PWP1: variants seen among roughly 807,000 people sequenced by gnomAD.
PWP1 encodes periodic tryptophan protein 1 homolog.
A neutral mutation model predicts 69.9 loss-of-function variants in PWP1; 47 were observed. That is an observed-to-expected ratio of 0.67 (90% CI 0.53 to 0.86). The LOEUF (loss-of-function observed/expected upper bound fraction) is 0.86, where lower values mean the gene tolerates loss of function less well. Ranked by LOEUF, PWP1 falls within the 40% of genes least tolerant of loss-of-function variation. The pLI is 0.00. For missense variants in PWP1, 551 were observed against 608.8 expected (o/e 0.91, Z 1.00); for synonymous variants, 222 against 208.2 (o/e 1.07, Z -0.57).
intron 13 of PWP1, 25 bp downstream of exon 13, chr12:107,709,257 T>A (rs1314396424): frequency 1.2e-6 from 2 of 1,607,280 alleles, no homozygotes; most frequent in East Asian, 4.5e-5. Context: ...GGGTATCTGT[T>A]TTTTATTTAT....
chr12:107,698,848 T>C (rs1409101622), intron 7 of PWP1, among the ~76,000 whole-genome samples: 1 of 152,198 alleles, frequency 6.6e-6, no homozygotes, highest in Non-Finnish European at 1.5e-5. Context: ...CCACGTTAGC[T>C]TCCCAAGGTC....
chr12:107,685,848 C>T lies in PWP1; in HGVS notation c.-52C>T. On this transcript the variant is annotated 5_prime_UTR_variant, in exon 1 of 15. Coordinates refer to ENST00000412830, the MANE Select transcript of PWP1 (RefSeq NM_007062.3). ...CGTGTGGCAGCAGTGCGGTCGTGGTCCCTCCCTATGCAGCCTGGTTTCTAG... is the reference window on the plus strand; with the variant it reads ...CGTGTGGCAGCAGTGCGGTCGTGGTTCCTCCCTATGCAGCCTGGTTTCTAG... 2 of 1,596,714 alleles carry T rather than the reference C, an allele frequency of 1.3e-6. No individual in the cohort carries two copies. Among genetic ancestry groups the T allele is most frequent in the South Asian group, 2.2e-5 (2 of 90,686 alleles).
chr12:107,705,378 T>G (rs919500869), intron 11 of PWP1, among the ~76,000 whole-genome samples: 3 of 152,038 alleles, frequency 2.0e-5, no homozygotes, highest in African/African-American at 4.8e-5. Context: ...AAGAGTTTTT[T>G]TTTTTTTTTA....
rs771347617 is a variant in PWP1, at chr12:107,711,046, C to T, written c.1396+536C>T. ...TCACAGCCTTCAGAGCAGACAGCCC[C>T]GAACAGAGATTTACCCACATATTTA... On this transcript the variant is annotated intron_variant, in intron 14 of 14. Transcript: ENST00000412830. Among the ~76,000 whole-genome samples, 126 of 152,216 alleles carry T rather than the reference C, an allele frequency of 8.3e-4. 3 individuals carry two copies. Among genetic ancestry groups the T allele is most frequent in the Middle Eastern group, 3.4e-3 (1 of 294 alleles).
chr12:107,700,385 T>C (rs1889683084), intron 8 of PWP1, among the ~76,000 whole-genome samples: 1 of 152,174 alleles, frequency 6.6e-6, no homozygotes, highest in African/African-American at 2.4e-5. Context: ...CCACTCCACT[T>C]TCTGTCTCCA....
intron 7 of PWP1, among the ~76,000 whole-genome samples, chr12:107,698,343 C>T (rs963547362): frequency 2.0e-5 from 3 of 151,986 alleles, no homozygotes; most frequent in Non-Finnish European, 2.9e-5. Flanking sequence ...TGTGACAGAG[C>T]GAGACTCTGT....
At chr12:107,702,759 CTT>C (rs1410009790) in intron 8 of PWP1, among the ~76,000 whole-genome samples, 174 bp from the exon 9 acceptor site, 10 of 152,320 alleles carry the variant, frequency 6.6e-5, no homozygotes, top group Non-Finnish European at 1.0e-4. Context: ...TTTAGATACT[CTT>C]GTTTCCTTTC....
rs527366185 is a variant in PWP1, at chr12:107,697,553, C to T, written c.700C>T (p.Leu234Phe). 2 of 1,608,178 alleles carry T rather than the reference C, an allele frequency of 1.2e-6. No individual in the cohort carries two copies. The highest frequency in any genetic ancestry group is 2.2e-5 in the South Asian group (2 of 89,796). Residue 234 changes from leucine (L) to phenylalanine (F), a missense_variant, in exon 7 of 15, where the codon CTC (leucine) becomes TTC (phenylalanine). Transcript: ENST00000412830. ...GGACTCTTTAGAGCCAGTCTTCACA[C>T]TCGGAAGTAAACTTTCAAAAAAGAA... ...IVDSLEPVFT[L>F]GSKLSKKKKK...
intron 8 of PWP1, among the ~76,000 whole-genome samples, chr12:107,699,971 TGAG>T (rs1245448520): frequency 1.3e-5 from 2 of 151,962 alleles, no homozygotes; most frequent in Admixed American, 6.6e-5. Context: ...AGAAAGCAAA[TGAG>T]GAGCAAAGTC....
intron 11 of PWP1, among the ~76,000 whole-genome samples, chr12:107,708,540 C>T (rs1889874401): frequency 6.6e-6 from 1 of 152,160 alleles, no homozygotes; most frequent in Non-Finnish European, 1.5e-5. Flanking sequence ...TTGGTCACGC[C>T]TTGGTTCCTT....
chr12:107,686,319 C>A (rs1478111025), intron 1 of PWP1, among the ~76,000 whole-genome samples: 1 of 152,196 alleles, frequency 6.6e-6, no homozygotes, highest in East Asian at 1.9e-4. Flanking sequence ...GCTTCACTAG[C>A]ACCCAAGTGC....
chr12:107,696,221 C>T (rs61938562), intron 5 of PWP1, among the ~76,000 whole-genome samples: 29,067 of 151,578 alleles, frequency 0.19, 3,701 homozygotes, highest in East Asian at 0.53. Flanking sequence ...TGAGTAGAGA[C>T]GAGGTTTCAT....
intron 11 of PWP1, among the ~76,000 whole-genome samples, chr12:107,705,431 T>G (rs1889800952): frequency 6.6e-6 from 1 of 152,022 alleles, no homozygotes; most frequent in South Asian, 2.1e-4. Context: ...CCAGGTTTGT[T>G]ACATATGTAT....
At position 107,693,111 on chromosome 12, in the gene PWP1, C is replaced by A; in HGVS notation, c.502+15C>A. The A allele has an allele frequency of 6.4e-7, 1 of 1,570,350 alleles. No individual in the cohort carries two copies. Among genetic ancestry groups the A allele is most frequent in the Non-Finnish European group, 8.6e-7 (1 of 1,161,764 alleles). On this transcript the variant is annotated intron_variant, in intron 5 of 14. Transcript: ENST00000412830. ...AGAGGTGCATGGTAAGTGATAAATC[C>A]CTTATTAAAAGATTTTCTAAGTGAT...
chr12:107,688,099 G>A (rs1889408057), intron 1 of PWP1, among the ~76,000 whole-genome samples: 2 of 145,554 alleles, frequency 1.4e-5, no homozygotes, highest in South Asian at 4.5e-4. Context: ...GTTAAGGAAT[G>A]CCCACAGGGA....
At chr12:107,691,561 C>T (rs565833060) in intron 3 of PWP1, among the ~76,000 whole-genome samples, 1 of 152,058 alleles carries the variant, frequency 6.6e-6, no homozygotes, top group East Asian at 1.9e-4. Context: ...TGGCTTGGGG[C>T]ACTAGGAATG....
intron 3 of PWP1, 47 bp downstream of exon 3, chr12:107,688,849 T>A: frequency 1.3e-6 from 2 of 1,544,998 alleles, no homozygotes; most frequent in Non-Finnish European, 1.8e-6. Context: ...GCTCAATATG[T>A]TGGATCATGT....
intron 14 of PWP1, 62 bp downstream of exon 14, chr12:107,710,572 A>G (rs2136290729): frequency 2.8e-6 from 4 of 1,449,700 alleles, no homozygotes; most frequent in Non-Finnish European, 3.7e-6. Flanking sequence ...AAAAAAAAAA[A>G]AGACAGGGTC....
chr12:107,699,969 A>G (rs534819005), intron 8 of PWP1, among the ~76,000 whole-genome samples: 11 of 152,258 alleles, frequency 7.2e-5, no homozygotes, highest in Non-Finnish European at 1.5e-4. Context: ...GCAGAAAGCA[A>G]ATGAGGAGCA....
Sources: allele counts gnomAD v4.1 joint callset (sites outside exome capture counted in the v4.1 genomes callset), GRCh38; gene constraint gnomAD v4.1.1; transcripts MANE v1.5; gene names NCBI Gene and HGNC (gene_info 2026-07-23, HGNC 2026-07-21).